Variants in ARHGAP19 observed in about 807,000 individuals in gnomAD.
ARHGAP19 encodes the protein Rho GTPase activating protein 19.
Under a neutral mutation model 60.9 loss-of-function variants are expected in ARHGAP19, and 48 were observed. That is an observed-to-expected ratio of 0.79 (90% CI 0.62 to 1.00). The LOEUF is 1.00. Among genes scored for constraint, ARHGAP19 ranks in the 50% least tolerant of loss-of-function variants. ARHGAP19 has a pLI of 0.00. For missense variants in ARHGAP19, 562 were observed against 597.2 expected, an observed-to-expected ratio of 0.94 and a Z score of 0.61; for synonymous variants, 209 against 215.5, an observed-to-expected ratio of 0.97 and a Z score of 0.27.
intron 6 of ARHGAP19, among the ~76,000 whole-genome samples, chr10:97,250,644 C>T (rs544137466): frequency 1.3e-5 from 2 of 151,962 alleles, no homozygotes; most frequent in African/African-American, 4.8e-5. Flanking sequence ...TCCCAAAGTG[C>T]TGGGATTACA....
chr10:97,280,442 G>A (rs1241710824), intron 1 of ARHGAP19, among the ~76,000 whole-genome samples: 1 of 151,900 alleles, frequency 6.6e-6, no homozygotes, highest in African/African-American at 2.4e-5. Flanking sequence ...GAAAAAAAAG[G>A]TAACATCAAA....
intron 5 of ARHGAP19, among the ~76,000 whole-genome samples, chr10:97,257,615 G>A (rs1015228673): frequency 6.6e-6 from 1 of 152,010 alleles, no homozygotes; most frequent in East Asian, 1.9e-4. Context: ...TATAACCACA[G>A]TTTGCTCACT....
At chr10:97,273,976 CACAA>C (rs901230777) in intron 1 of ARHGAP19, among the ~76,000 whole-genome samples, 135 of 151,990 alleles carry the variant, frequency 8.9e-4, no homozygotes, top group African/African-American at 3.1e-3. Flanking sequence ...CACACACACA[CACAA>C]ACACACACAC....
At chr10:97,289,741 C>G (rs1256978015) in intron 1 of ARHGAP19, among the ~76,000 whole-genome samples, 2 of 151,724 alleles carry the variant, frequency 1.3e-5, no homozygotes, top group East Asian at 1.9e-4. Flanking sequence ...GTAGTCCCAA[C>G]TACTCAGGAG....
At chr10:97,233,004 C>T (rs1333781583) in intron 9 of ARHGAP19, among the ~76,000 whole-genome samples, 1 of 152,022 alleles carries the variant, frequency 6.6e-6, no homozygotes, top group Non-Finnish European at 1.5e-5. Context: ...AAAAAATTAG[C>T]CGGGCATGGT....
At position 97,246,279 on chromosome 10, in the gene ARHGAP19, G is replaced by A; in HGVS notation, c.986C>T (p.Ala329Val). ...GCAGATTCCTATTCTTACCTTTGAT[G>A]CCTGAGTTCTGGATCCCAAATAGTG... ...RLHYLGSRTQ[A>V]SKDDLDLIAS... is the part of the protein sequence containing the mutation. Residue 329 changes from alanine (A) to valine (V), a missense_variant, in exon 7 of 12, where the codon GCA (alanine) becomes GTA (valine). Physicochemically the swap from Ala to Val is moderately conservative, Grantham distance 64 (BLOSUM62 0). Transcript: ENST00000358531. 6.2e-7 allele frequency: 1 copy of A among 1,613,238 alleles called. No individual in the cohort carries two copies.
chr10:97,281,610 TG>T, intron 1 of ARHGAP19, among the ~76,000 whole-genome samples: 1 of 152,164 alleles, frequency 6.6e-6, no homozygotes, highest in East Asian at 1.9e-4. Context: ...TTTACGGTAT[TG>T]TAAGGTATAG....
intron 8 of ARHGAP19, among the ~76,000 whole-genome samples, chr10:97,242,009 C>CA (rs1199588724): frequency 4.6e-4 from 55 of 120,274 alleles, no homozygotes; most frequent in South Asian, 1.3e-3. Context: ...GACTCTGCCT[C>CA]AAAAAAAAAA....
chr10:97,251,327 GGA>G (rs1842651812), intron 6 of ARHGAP19, among the ~76,000 whole-genome samples: 3 of 50,346 alleles, frequency 6.0e-5, no homozygotes, highest in African/African-American at 9.0e-5. Context: ...GAAGGGAAGG[GGA>G]AAGGGAAAGG....
intron 6 of ARHGAP19, among the ~76,000 whole-genome samples, chr10:97,254,402 C>T (rs1330723400): frequency 2.0e-5 from 3 of 152,130 alleles, no homozygotes; most frequent in Non-Finnish European, 4.4e-5. Flanking sequence ...TATTCAAATG[C>T]TTTTCAATAA....
At chr10:97,259,369 C>G in intron 5 of ARHGAP19, 33 bp downstream of exon 5, 2 of 1,560,656 alleles carry the variant, frequency 1.3e-6, no homozygotes, top group Non-Finnish European at 1.8e-6. Context: ...CCAAGAAAAC[C>G]AAGCAATCTT....
At chr10:97,287,198 G>A (rs1354178113) in intron 1 of ARHGAP19, among the ~76,000 whole-genome samples, 2 of 152,086 alleles carry the variant, frequency 1.3e-5, no homozygotes, top group African/African-American at 2.4e-5. Context: ...TCCTGTCTCT[G>A]CCTCCCCCTC....
intron 1 of ARHGAP19, chr10:97,270,819 G>GCTT (rs2134900027): frequency 4.2e-6 from 1 of 235,990 alleles, no homozygotes; most frequent in South Asian, 1.5e-4. Context: ...GGAAAATAGA[G>GCTT]ATAAAAAACT....
intron 1 of ARHGAP19, among the ~76,000 whole-genome samples, chr10:97,273,964 C>G (rs561955494): frequency 6.7e-6 from 1 of 149,660 alleles, no homozygotes; most frequent in African/African-American, 2.4e-5. Flanking sequence ...GCCACACATA[C>G]ACACACACAC....
chr10:97,229,646 AG>A, intron 10 of ARHGAP19, 117 bp downstream of exon 10: 1 of 731,094 alleles, frequency 1.4e-6, no homozygotes, highest in Non-Finnish European at 2.3e-6. Context: ...GAAAGGATTG[AG>A]AAAAAGCCAT....
At chr10:97,263,775 GT>G in intron 3 of ARHGAP19, 146 bp from the exon 4 acceptor site, 1 of 710,888 alleles carries the variant, frequency 1.4e-6, no homozygotes, top group Non-Finnish European at 2.3e-6. Flanking sequence ...CACCAGGGTA[GT>G]TTAGAACCTA....
chr10:97,282,458 T>C (rs1168278365), intron 1 of ARHGAP19, among the ~76,000 whole-genome samples: 2 of 152,254 alleles, frequency 1.3e-5, no homozygotes, highest in East Asian at 3.8e-4. Context: ...TTTCAGTTTC[T>C]TGAGCCAATT....
chr10:97,242,968 G>C (rs1312579571), intron 8 of ARHGAP19, among the ~76,000 whole-genome samples: 2 of 152,132 alleles, frequency 1.3e-5, no homozygotes, highest in Admixed American at 1.3e-4. Context: ...TGTTCTTGTT[G>C]AAAGAAGTCA....
rs1842923001 is a variant in ARHGAP19 at position 97,268,253 on chromosome 10, C to T, written c.57-2128G>A. Among the ~76,000 whole-genome samples the T allele has an allele frequency of 2.6e-5, 4 of 152,184 alleles. No individual in the cohort carries two copies. In the South Asian group the frequency reaches 8.3e-4, roughly 31 times the overall value. On this transcript the variant is annotated intron_variant, in intron 1 of 11. Transcript: ENST00000358531. ...GTTCCTCATCTCCATCTGAGACCACCTCAGTCTGGACTTCACTGTCCATAT... is the reference window on the plus strand; with the variant it reads ...GTTCCTCATCTCCATCTGAGACCACTTCAGTCTGGACTTCACTGTCCATAT...
Sources: gnomAD v4.1 joint callset for allele counts (sites outside exome capture counted in the v4.1 genomes callset) on GRCh38, gnomAD v4.1.1 for gene constraint, MANE v1.5 for transcripts, NCBI Gene and HGNC (gene_info 2026-07-23, HGNC 2026-07-21) for gene names.